The following TSHZ2 variants were observed in gnomAD, a reference collection of about 807,000 sequenced individuals.
The protein encoded by TSHZ2 is teashirt zinc finger homeobox 2.
In TSHZ2, 21 loss-of-function variants were observed where a neutral mutation model predicts 74.4. The ratio of observed to expected loss-of-function variants is 0.28; its 90% CI spans 0.20 to 0.41. The LOEUF is 0.41. Ranked by LOEUF, TSHZ2 falls within the 10% of genes least tolerant of loss-of-function variation. The pLI is 1.00. For missense variants in TSHZ2, 1,244 were observed against 1,293.5 expected (o/e 0.96, Z 0.59); for synonymous variants, 540 against 515.3 (o/e 1.05, Z -0.65).
At chr20:53,413,095 G>A (rs541300761) in intron 2 of TSHZ2, among the ~76,000 whole-genome samples, 52 of 152,212 alleles carry the variant, frequency 3.4e-4, no homozygotes, top group Non-Finnish European at 7.3e-4. Context: ...GGGAGGGGAA[G>A]AGCAGCTGAT....
At chr20:53,042,065 T>C (rs918150411) in intron 1 of TSHZ2, among the ~76,000 whole-genome samples, 7 of 152,054 alleles carry the variant, frequency 4.6e-5, no homozygotes, top group African/African-American at 1.7e-4. Flanking sequence ...AAAAAAAACA[T>C]ATGCCCATGA....
intron 2 of TSHZ2, among the ~76,000 whole-genome samples, chr20:53,361,249 C>G (rs1409311666): frequency 6.6e-6 from 1 of 152,226 alleles, no homozygotes; most frequent in Non-Finnish European, 1.5e-5. Context: ...AATTTAGATG[C>G]TGGGTCAAGA....
chr20:53,232,814 T>C (rs749156844), intron 1 of TSHZ2, among the ~76,000 whole-genome samples: 23 of 152,256 alleles, frequency 1.5e-4, no homozygotes, highest in Non-Finnish European at 3.4e-4. Flanking sequence ...GAAGCACTTT[T>C]ACCTTTTTCA....
At chr20:53,461,142 C>T (rs548815318) in intron 2 of TSHZ2, among the ~76,000 whole-genome samples, 4 of 150,858 alleles carry the variant, frequency 2.7e-5, no homozygotes, top group African/African-American at 4.9e-5. Flanking sequence ...CCCCCAGCCT[C>T]GCTGCCGCCT....
At chr20:53,183,376 G>C (rs1988527596) in intron 1 of TSHZ2, among the ~76,000 whole-genome samples, 1 of 152,192 alleles carries the variant, frequency 6.6e-6, no homozygotes, top group Non-Finnish European at 1.5e-5. Flanking sequence ...TGAAGATGCT[G>C]CTCGGGTCAG....
In TSHZ2 at chr20:53,202,654, A is replaced by T. The variant is rs117437063; in HGVS notation, c.41-50845A>T. Among the ~76,000 whole-genome samples the T allele has an allele frequency of 4.1e-4, 62 of 152,330 alleles. 1 individual carries two copies. The East Asian group carries it at 7.3e-3, about 18-fold the overall frequency. On this transcript the variant is annotated intron_variant, in intron 1 of 2. Transcript: ENST00000371497. ...ATGCAAATCACCGTAGCATAGGCAGAGGATACATTTCAGAAATGTCTAAAT... is the reference window on the plus strand; with the variant it reads ...ATGCAAATCACCGTAGCATAGGCAGTGGATACATTTCAGAAATGTCTAAAT...
At chr20:53,453,402 G>A (rs543968747) in intron 2 of TSHZ2, among the ~76,000 whole-genome samples, 1 of 152,198 alleles carries the variant, frequency 6.6e-6, no homozygotes, top group East Asian at 1.9e-4. Flanking sequence ...TTGATGACTG[G>A]GCCCTGATTT....
intron 1 of TSHZ2, among the ~76,000 whole-genome samples, chr20:53,106,429 G>A (rs1167394691): frequency 2.2e-5 from 2 of 89,614 alleles, no homozygotes; most frequent in Non-Finnish European, 3.8e-5. Context: ...TTTTGAGACG[G>A]AGTCTTGCTC....
intron 2 of TSHZ2, among the ~76,000 whole-genome samples, chr20:53,281,475 T>A (rs558739757): frequency 1.4e-4 from 22 of 152,332 alleles, no homozygotes; most frequent in African/African-American, 4.8e-4. Flanking sequence ...ACTCTGCCAT[T>A]GTATCACAAA....
chr20:53,181,045 C>G (rs185198304), intron 1 of TSHZ2, among the ~76,000 whole-genome samples: 8 of 152,142 alleles, frequency 5.3e-5, no homozygotes, highest in Non-Finnish European at 1.0e-4. Context: ...CCATTTCTCA[C>G]CTTTCTTTTT....
At chr20:53,402,909 C>CAA (rs1982719079) in intron 2 of TSHZ2, among the ~76,000 whole-genome samples, 1 of 152,196 alleles carries the variant, frequency 6.6e-6, no homozygotes, top group Non-Finnish European at 1.5e-5. Flanking sequence ...CACTGTTCAG[C>CAA]TCCCAGGGCT....
At chr20:53,243,486 C>T (rs777846458) in intron 1 of TSHZ2, among the ~76,000 whole-genome samples, 10 of 152,282 alleles carry the variant, frequency 6.6e-5, no homozygotes, top group African/African-American at 1.2e-4. Context: ...GATGGAAACA[C>T]GGCTCAACTC....
chr20:53,146,659 G>T (rs892293892), intron 1 of TSHZ2, among the ~76,000 whole-genome samples: 9 of 152,184 alleles, frequency 5.9e-5, no homozygotes, highest in Non-Finnish European at 1.2e-4. Flanking sequence ...TGCAAGACCA[G>T]GAGGTGAAGA....
At chr20:53,369,461 C>A (rs528069694) in intron 2 of TSHZ2, among the ~76,000 whole-genome samples, 1 of 151,990 alleles carries the variant, frequency 6.6e-6, no homozygotes, top group African/African-American at 2.4e-5. Context: ...AATCTCAGCA[C>A]CTCGGGAGGC....
At chr20:53,230,426 G>A (rs1028783703) in intron 1 of TSHZ2, among the ~76,000 whole-genome samples, 7 of 152,212 alleles carry the variant, frequency 4.6e-5, no homozygotes, top group Non-Finnish European at 1.0e-4. Context: ...CCACCAGGTG[G>A]TGGCTGTGTC....
intron 1 of TSHZ2, among the ~76,000 whole-genome samples, chr20:53,229,842 G>GA (rs753043758): frequency 6.1e-5 from 8 of 131,978 alleles, no homozygotes; most frequent in Admixed American, 2.4e-4. Context: ...AGAAAGAAAA[G>GA]AAAAAAAGAA....
At chr20:53,442,441 T>G (rs1445676978) in intron 2 of TSHZ2, among the ~76,000 whole-genome samples, 1 of 152,188 alleles carries the variant, frequency 6.6e-6, no homozygotes, top group Non-Finnish European at 1.5e-5. Context: ...GGTGATCGAC[T>G]GCTGAGCGGG....
intron 2 of TSHZ2, among the ~76,000 whole-genome samples, chr20:53,299,400 AT>A: frequency 6.6e-6 from 1 of 152,350 alleles, no homozygotes; most frequent in East Asian, 1.9e-4. Flanking sequence ...TTTACAAAAA[AT>A]ATTTTATTAT....
chr20:53,010,973 C>T (rs1982828711), intron 1 of TSHZ2, among the ~76,000 whole-genome samples: 1 of 152,056 alleles, frequency 6.6e-6, no homozygotes, highest in African/African-American at 2.4e-5. Context: ...ATAAAACAGT[C>T]ATATTTATAA....
Sources: gnomAD v4.1 joint callset for allele counts (sites outside exome capture counted in the v4.1 genomes callset) on GRCh38, gnomAD v4.1.1 for gene constraint, MANE v1.5 for transcripts, NCBI Gene and HGNC (gene_info 2026-07-23, HGNC 2026-07-21) for gene names.